The following PDE10A variants were observed in gnomAD, a reference collection of about 807,000 sequenced individuals.
PDE10A encodes the protein phosphodiesterase 10A, also known as cAMP and cAMP-inhibited cGMP 3',5'-cyclic phosphodiesterase 10A.
Under a neutral mutation model 97.7 loss-of-function variants are expected in PDE10A, and 39 were observed. The ratio of observed to expected loss-of-function variants is 0.40; its 90% CI spans 0.31 to 0.52. The LOEUF (loss-of-function observed/expected upper bound fraction) is 0.52, where lower values mean the gene tolerates loss of function less well. Among genes scored for constraint, PDE10A ranks in the 20% least tolerant of loss-of-function variants. The probability of loss-of-function intolerance (pLI) is 0.56; values close to 1 mark genes in which losing one functional copy is unlikely to be tolerated. For synonymous variants in PDE10A, 371 were observed against 376.8 expected, an observed-to-expected ratio of 0.98 and a Z score of 0.18; for missense variants, 731 against 1,047.8, an observed-to-expected ratio of 0.70 and a Z score of 4.17.
intron 3 of PDE10A, among the ~76,000 whole-genome samples, chr6:165,466,255 G>C (rs541194608): frequency 2.0e-5 from 3 of 152,194 alleles, no homozygotes; most frequent in Non-Finnish European, 4.4e-5. Context: ...ACACTAACAA[G>C]TTTAGCGAAA....
At chr6:165,895,185 G>A (rs146481483) in intron 1 of PDE10A, among the ~76,000 whole-genome samples, 45 of 120,144 alleles carry the variant, frequency 3.7e-4, no homozygotes, top group South Asian at 1.9e-3. Flanking sequence ...GAGAATGCAA[G>A]TTTATTTGGA....
At chr6:165,617,955 G>C (rs181851658) in intron 1 of PDE10A, among the ~76,000 whole-genome samples, 1 of 152,224 alleles carries the variant, frequency 6.6e-6, no homozygotes, top group Admixed American at 6.5e-5. Context: ...GTCAGGCACA[G>C]TGGTTCACTC....
chr6:165,679,552 C>A (rs1234062545), intron 1 of PDE10A, among the ~76,000 whole-genome samples: 1 of 152,196 alleles, frequency 6.6e-6, no homozygotes, highest in Non-Finnish European at 1.5e-5. Context: ...GTCAGGCGTG[C>A]CTGGCCCCAC....
intron 1 of PDE10A, among the ~76,000 whole-genome samples, chr6:165,558,159 G>C (rs1784351368): frequency 6.6e-6 from 1 of 152,172 alleles, no homozygotes; most frequent in African/African-American, 2.4e-5. Flanking sequence ...GCACATGTAT[G>C]TATACTGCGG....
chr6:165,929,292 G>A (rs1251325998), intron 1 of PDE10A, among the ~76,000 whole-genome samples: 3 of 152,214 alleles, frequency 2.0e-5, no homozygotes, highest in East Asian at 1.9e-4. Flanking sequence ...TGTAGGAAGT[G>A]GCTGGACACG....
chr6:165,773,336 AG>A (rs1209703602), intron 1 of PDE10A: 1 of 152,202 alleles, frequency 6.6e-6, no homozygotes, highest in African/African-American at 2.4e-5. Flanking sequence ...ACTTCCAGAA[AG>A]GGCTTGTTTT....
chr6:165,521,087 G>A (rs1782102168), intron 2 of PDE10A, among the ~76,000 whole-genome samples: 1 of 152,040 alleles, frequency 6.6e-6, no homozygotes, highest in Non-Finnish European at 1.5e-5. Context: ...AAATTTTCAC[G>A]ATATTCAAAA....
intron 1 of PDE10A, among the ~76,000 whole-genome samples, chr6:165,710,151 A>T (rs980086024): frequency 6.6e-6 from 1 of 152,070 alleles, no homozygotes; most frequent in Non-Finnish European, 1.5e-5. Context: ...ACTCTGAGAG[A>T]TGCCACTTAT....
At chr6:165,979,881 A>G (rs1482097927) in intron 1 of PDE10A, among the ~76,000 whole-genome samples, 2 of 152,262 alleles carry the variant, frequency 1.3e-5, no homozygotes, top group Admixed American at 1.3e-4. Flanking sequence ...CTCAGAAAGA[A>G]CATTCATGTC....
chr6:165,448,950 T>C lies in PDE10A; in HGVS notation c.1172A>G (p.Tyr391Cys). The C allele has an allele frequency of 1.2e-6, 2 of 1,612,430 alleles. No individual in the cohort carries two copies. The highest frequency in any genetic ancestry group is 1.7e-6 in the Non-Finnish European group (2 of 1,178,676). Residue 391 changes from tyrosine (Y) to cysteine (C), a missense_variant, in exon 5 of 22, where the codon TAT (tyrosine) becomes TGT (cysteine). By Grantham distance (194) the Tyr-to-Cys change is radical. Around this residue, in one of 8 missense-constraint regions of PDE10A, gnomAD observed 152 missense variants for 199.3 expected, o/e 0.76. Coordinates refer to ENST00000539869, the MANE Select transcript of PDE10A (RefSeq NM_001385079.1). ...IATKADGFAL[Y>C]FLGECNNSLC... ...TACATTATTGCACTCTCCAAGGAAA[T>C]ACAGTGCAAATCCATCGGCTTTTGT...
chr6:165,438,302 C>T (rs1314783018), intron 5 of PDE10A, among the ~76,000 whole-genome samples: 1 of 152,314 alleles, frequency 6.6e-6, no homozygotes, highest in East Asian at 1.9e-4. Flanking sequence ...GATTCTCCTG[C>T]CTCAGCCTCC....
chr6:165,544,967 T>C (rs910613098), intron 1 of PDE10A, among the ~76,000 whole-genome samples: 2 of 152,008 alleles, frequency 1.3e-5, no homozygotes, highest in African/African-American at 4.8e-5. Context: ...CTAAAGATAA[T>C]TGGCTCAATA....
chr6:165,377,606 C>T (rs1466040949), intron 18 of PDE10A, among the ~76,000 whole-genome samples: 2 of 151,942 alleles, frequency 1.3e-5, no homozygotes. Context: ...AGATTATATT[C>T]AAGAGGCTGG....
rs76486946 is a variant in PDE10A at position 165,982,491 on chromosome 6, T to C, written c.-615+5038A>G. Among the ~76,000 whole-genome samples, 199 of 152,248 alleles carry C rather than the reference T, an allele frequency of 1.3e-3. No homozygotes were observed. The East Asian group carries it at 0.019, about 15-fold the overall frequency. On this transcript the variant is annotated intron_variant, in intron 1 of 19. Transcript: ENST00000366882. ...GCAAGATAGTCCAATTAGGGTGACA[T>C]TGGGGAGAGGGGAGAATAGAGATAG... is the stretch of plus-strand genomic sequence containing the variant.
At chr6:165,855,790 G>A (rs892534741) in intron 1 of PDE10A, among the ~76,000 whole-genome samples, 21 of 152,054 alleles carry the variant, frequency 1.4e-4, no homozygotes, top group African/African-American at 4.8e-4. Flanking sequence ...ATAAGAGCAC[G>A]TCAGGCAGTT....
chr6:165,408,366 T>G (rs140514586), intron 13 of PDE10A, among the ~76,000 whole-genome samples: 6 of 152,120 alleles, frequency 3.9e-5, no homozygotes, highest in Admixed American at 3.3e-4. Flanking sequence ...TAATACAAGG[T>G]GTTTTTCCTA....
intron 1 of PDE10A, among the ~76,000 whole-genome samples, chr6:165,575,426 T>A (rs553850804): frequency 6.6e-6 from 1 of 152,180 alleles, no homozygotes; most frequent in Non-Finnish European, 1.5e-5. Flanking sequence ...TCCCCTCCAA[T>A]GTTTCTCTGA....
intron 1 of PDE10A, among the ~76,000 whole-genome samples, chr6:165,822,068 T>A (rs1011399132): frequency 2.0e-5 from 3 of 152,236 alleles, no homozygotes; most frequent in African/African-American, 7.2e-5. Flanking sequence ...CAAACACTTT[T>A]CCTGTTAATC....
At position 165,545,336 on chromosome 6, in the gene PDE10A, T is replaced by C. The variant is rs79185284; in HGVS notation, c.866-1768A>G. On this transcript the variant is annotated intron_variant, in intron 1 of 21. Coordinates refer to ENST00000539869, the MANE Select transcript of PDE10A (RefSeq NM_001385079.1). Reference sequence around the variant, plus strand: ...CAAGCTCCATCTTAAGTCAAAACTATATGAGTTATCTCCTTCTCACTTCTT... The same window carrying C: ...CAAGCTCCATCTTAAGTCAAAACTACATGAGTTATCTCCTTCTCACTTCTT... 595 of 372,788 alleles carry C rather than the reference T, an allele frequency of 1.6e-3. 1 individual carries two copies. Among genetic ancestry groups the C allele is most frequent in the African/African-American group, 0.012 (542 of 45,832 alleles). 23.1% of individuals were successfully genotyped at this position (372,788 alleles called of 1,614,324 possible). A position where few individuals can be genotyped will look rare whatever the true frequency, so the allele number is the denominator to read the frequency against.
Sources: gnomAD v4.1 joint callset for allele counts (sites outside exome capture counted in the v4.1 genomes callset) on GRCh38, gnomAD v4.1.1 for gene constraint, gnomAD v4.1.1 regional missense constraint, MANE v1.5 for transcripts, NCBI Gene and HGNC (gene_info 2026-07-23, HGNC 2026-07-21) for gene names.